CLHC1: variants seen among roughly 807,000 people sequenced by gnomAD.
CLHC1 encodes clathrin heavy chain linker domain containing 1, also known as clathrin heavy chain linker domain-containing protein 1.
A neutral mutation model predicts 69.5 loss-of-function variants in CLHC1; 72 were observed. The observed-to-expected ratio is 1.04, with a 90% CI of 0.86 to 1.26. CLHC1 has a LOEUF of 1.26. Among genes scored for constraint, CLHC1 ranks in the 50% most tolerant of loss-of-function variants. CLHC1 has a pLI of 0.00. For synonymous variants in CLHC1, 223 were observed against 224.3 expected, an observed-to-expected ratio of 0.99 and a Z score of 0.05; for missense variants, 790 against 679.3, an observed-to-expected ratio of 1.16 and a Z score of -1.81.
At chr2:55,211,859 T>G (rs1270168423) in intron 5 of CLHC1, among the ~76,000 whole-genome samples, 1 of 152,238 alleles carries the variant, frequency 6.6e-6, no homozygotes, top group Admixed American at 6.5e-5. Flanking sequence ...AACAGTATTA[T>G]GCTGAAGATG....
chr2:55,223,366 G>A (rs1450152318), intron 2 of CLHC1, among the ~76,000 whole-genome samples: 1 of 152,168 alleles, frequency 6.6e-6, no homozygotes, highest in East Asian at 1.9e-4. Flanking sequence ...ATTTTTCAGA[G>A]TATAGCTTTC....
chr2:55,210,231 C>G lies in CLHC1; in HGVS notation c.500-400G>C, dbSNP rs560470272. Among the ~76,000 whole-genome samples the G allele has an allele frequency of 3.2e-3, 490 of 151,862 alleles. 2 individuals are homozygous for G. The highest frequency in any genetic ancestry group is 0.014 in the Middle Eastern group (4 of 294). On this transcript the variant is annotated intron_variant, in intron 5 of 12. Coordinates refer to ENST00000401408, the MANE Select transcript of CLHC1 (RefSeq NM_152385.4). ...ATTTTTTTTGAGATGGAGTCGCACTCTGTCGCCCAGGCTGGAGTGCAGTGG... is the reference window on the plus strand; with the variant it reads ...ATTTTTTTTGAGATGGAGTCGCACTGTGTCGCCCAGGCTGGAGTGCAGTGG...
chr2:55,222,216 C>T lies in CLHC1; in HGVS notation c.177+19G>A, dbSNP rs767764224. 1.3e-6 allele frequency: 2 copies of T among 1,588,982 alleles called. No individual in the cohort carries two copies. Among genetic ancestry groups the T allele is most frequent in the Non-Finnish European group, 8.6e-7 (1 of 1,159,138 alleles). The stretch of plus-strand genomic sequence containing the variant: ...GCTATCCTCATGAAAACTTAATTGT[C>T]TTAAAAGCTTTATGATACCTTATCA... On this transcript the variant is annotated intron_variant, in intron 3 of 12. Transcript: ENST00000401408.
intron 2 of CLHC1, chr2:55,224,482 C>T: frequency 2.6e-6 from 1 of 380,018 alleles, no homozygotes; most frequent in Non-Finnish European, 5.4e-6. Flanking sequence ...GCAGTTTGTG[C>T]AGCAGGCTGT....
Position 55,229,670 on chromosome 2 carries a change from C to T in CLHC1, c.-255-1466G>A, listed in dbSNP as rs183526429. ...GGACTGTGGCCTCTACTTGTTCCAG[C>T]ACTGGAGCAACAGCCTCACTTGTAA... On this transcript the variant is annotated intron_variant, in intron 1 of 12. Coordinates refer to ENST00000401408, the MANE Select transcript of CLHC1 (RefSeq NM_152385.4). Among the ~76,000 whole-genome samples, 8 of 152,352 alleles carry T rather than the reference C, an allele frequency of 5.3e-5. 1 individual carries two copies. Among genetic ancestry groups the T allele is most frequent in the Admixed American group, 5.2e-4 (8 of 15,296 alleles).
intron 3 of CLHC1, among the ~76,000 whole-genome samples, chr2:55,221,646 T>C (rs1674127426): frequency 6.6e-6 from 1 of 152,196 alleles, no homozygotes. Flanking sequence ...TGAAAATTAT[T>C]ATCAGAGGGT....
chr2:55,225,190 C>T (rs1248173135), intron 2 of CLHC1: 1 of 152,754 alleles, frequency 6.5e-6, no homozygotes, highest in Admixed American at 6.5e-5. Flanking sequence ...TAAGAGGCCA[C>T]CTGCAGGTCC....
chr2:55,206,292 A>C lies in CLHC1; in HGVS notation c.984T>G (p.Ile328Met). 1 of 1,602,488 alleles carries C rather than the reference A, an allele frequency of 6.2e-7. No homozygotes were observed. The highest frequency in any genetic ancestry group is 8.5e-7 in the Non-Finnish European group (1 of 1,169,872). Residue 328 changes from isoleucine (I) to methionine (M), a missense_variant, in exon 9 of 13, where the codon ATT (isoleucine) becomes ATG (methionine). Coordinates refer to ENST00000401408, the MANE Select transcript of CLHC1 (RefSeq NM_152385.4). ...ANSPRRILRN[I>M]GTMNTFKAVG... ...TACCCTTAAATGTATTCATTGTACCAATGTTTCGAAGAATTCTTCTAGGAC... is the reference window on the plus strand; with the variant it reads ...TACCCTTAAATGTATTCATTGTACCCATGTTTCGAAGAATTCTTCTAGGAC...
chr2:55,180,429 A>G, intron 11 of CLHC1, 81 bp downstream of exon 11: 1 of 972,464 alleles, frequency 1.0e-6, no homozygotes, highest in Non-Finnish European at 1.6e-6. Flanking sequence ...GTAAGTTTAA[A>G]GTAGTGCTTG....
intron 7 of CLHC1, 135 bp from the exon 8 acceptor site, chr2:55,208,845 G>T (rs1672693185): frequency 3.8e-6 from 2 of 524,346 alleles, no homozygotes; most frequent in South Asian, 3.3e-5. Context: ...TAAACTTAGT[G>T]GCCTCCCCGT....
chr2:55,212,867 C>G, intron 4 of CLHC1, 61 bp from the exon 5 acceptor site: 2 of 1,307,266 alleles, frequency 1.5e-6, no homozygotes, highest in Non-Finnish European at 2.2e-6. Context: ...ACCACAAAAC[C>G]TAAAGTCAAA....
intron 9 of CLHC1, among the ~76,000 whole-genome samples, chr2:55,201,395 T>C (rs925784723): frequency 3.3e-5 from 5 of 152,064 alleles, no homozygotes; most frequent in Non-Finnish European, 5.9e-5. Flanking sequence ...AGCAACTATA[T>C]GCCAATAAAC....
rs942346050 is a variant in CLHC1 at position 55,172,625 on chromosome 2, G to A, written c.*3165C>T. Among the ~76,000 whole-genome samples the A allele has an allele frequency of 6.7e-6, 1 of 149,560 alleles. No individual in the cohort carries two copies. Among genetic ancestry groups the A allele is most frequent in the Non-Finnish European group, 1.5e-5 (1 of 67,674 alleles). ...TAGCAAACTGACAGCTTTATACACC[G>A]AACATTTGTTAAATGCCATTTTTTT... On this transcript the variant is annotated 3_prime_UTR_variant, in exon 13 of 13. Transcript: ENST00000401408.
chr2:55,201,160 A>G (rs1474139521), intron 9 of CLHC1, among the ~76,000 whole-genome samples: 2 of 152,058 alleles, frequency 1.3e-5, no homozygotes, highest in African/African-American at 2.4e-5. Flanking sequence ...CAAAGTTTTT[A>G]GATGAAAAGA....
At chr2:55,181,042 G>A (rs944775944) in intron 10 of CLHC1, among the ~76,000 whole-genome samples, 4 of 152,058 alleles carry the variant, frequency 2.6e-5, no homozygotes, top group Admixed American at 2.6e-4. Context: ...GTGCAGTGGC[G>A]CGATCTCGTC....
In CLHC1 at chr2:55,217,954, G is replaced by C. The variant is rs760432431; in HGVS notation, c.222C>G (p.Ile74Met). 1.9e-6 allele frequency: 3 copies of C among 1,581,178 alleles called. No homozygotes were observed. In the South Asian group the frequency reaches 3.5e-5, roughly 18 times the overall value. Residue 74 changes from isoleucine to methionine, a missense_variant, in exon 4 of 13, where the codon ATC becomes ATG. Coordinates refer to ENST00000401408, the MANE Select transcript of CLHC1 (RefSeq NM_152385.4). Reference sequence around the variant, plus strand: ...CAATAAAGGCATCATATTCTTTTTTGATTGAAGTAAGAATGGATTTGTATG... The same window carrying C: ...CAATAAAGGCATCATATTCTTTTTTCATTGAAGTAAGAATGGATTTGTATG... ...ITAYKSILTSIKKEYDAFIET... is the reference protein window; with the variant it reads ...ITAYKSILTSMKKEYDAFIET...
intron 11 of CLHC1, among the ~76,000 whole-genome samples, chr2:55,178,803 T>C (rs1233009597): frequency 2.0e-5 from 3 of 152,150 alleles, no homozygotes; most frequent in Non-Finnish European, 1.5e-5. Flanking sequence ...CTTGGGTTTT[T>C]AAAATGTATT....
chr2:55,195,031 C>T (rs1440693327), intron 9 of CLHC1, among the ~76,000 whole-genome samples: 1 of 152,064 alleles, frequency 6.6e-6, no homozygotes, highest in Admixed American at 6.6e-5. Flanking sequence ...ATCCTCCTGC[C>T]TCAGCCACCC....
At chr2:55,226,191 CAAA>C (rs11325087) in intron 2 of CLHC1, among the ~76,000 whole-genome samples, 1 of 131,420 alleles carries the variant, frequency 7.6e-6, no homozygotes, top group Non-Finnish European at 1.7e-5. Flanking sequence ...GACTCCATTT[CAAA>C]AAAAAAAAAA....
Sources: allele counts gnomAD v4.1 joint callset (sites outside exome capture counted in the v4.1 genomes callset), GRCh38; gene constraint gnomAD v4.1.1; transcripts MANE v1.5; gene names NCBI Gene and HGNC (gene_info 2026-07-23, HGNC 2026-07-21).